Variants in SAMD3 observed in about 807,000 individuals in gnomAD.
The protein encoded by SAMD3 is sterile alpha motif domain containing 3.
A neutral mutation model predicts 58.5 loss-of-function variants in SAMD3; 63 were observed. The ratio of observed to expected loss-of-function variants is 1.08; its 90% CI spans 0.88 to 1.33. The LOEUF is 1.33. Ranked by LOEUF, SAMD3 falls within the 40% of genes most tolerant of loss-of-function variation. The pLI is 0.00. For missense variants in SAMD3, 604 were observed against 608.4 expected (o/e 0.99, Z 0.08); for synonymous variants, 220 against 210.3 (o/e 1.05, Z -0.40).
In SAMD3 at chr6:130,241,206, CTTT is replaced by C. The variant is rs57573903; in HGVS notation, c.-187-18396_-187-18394del. Among the ~76,000 whole-genome samples, 335 of 109,220 alleles carry C rather than the reference CTTT, an allele frequency of 3.1e-3. 1 individual carries two copies. Among genetic ancestry groups the C allele is most frequent in the African/African-American group, 0.012 (276 of 23,094 alleles). 71.7% of individuals were successfully genotyped at this position (109,220 alleles called of 152,430 possible). A position where few individuals can be genotyped will look rare whatever the true frequency, so the allele number is the denominator to read the frequency against. On this transcript the variant is annotated intron_variant, in intron 2 of 13. Coordinates refer to the SAMD3 transcript ENST00000368134. ...AGAACCTGTTTTGTACTTAAACCTCCTTTTTTTTTTTTTTTTTTTTTGAGATGG... is the reference window on the plus strand; with the variant it reads ...AGAACCTGTTTTGTACTTAAACCTCCTTTTTTTTTTTTTTTTTTGAGATGG...
At chr6:130,212,715 A>C (rs1346756716) in intron 4 of SAMD3, among the ~76,000 whole-genome samples, 1 of 152,224 alleles carries the variant, frequency 6.6e-6, no homozygotes. Flanking sequence ...AACATTATAA[A>C]CTGATTTGCA....
In SAMD3 at chr6:130,150,398, G is replaced by C. The variant is rs189249233; in HGVS notation, c.1024-4217C>G. ...CAGAATTCATGGGTCCAGGAACCAA[G>C]AGTTGGAAATGGGAATGGCGCCGCT... On this transcript the variant is annotated intron_variant, in intron 9 of 11. Coordinates refer to ENST00000439090, the MANE Select transcript of SAMD3 (RefSeq NM_001017373.4). Among the ~76,000 whole-genome samples, 12 of 152,286 alleles carry C rather than the reference G, an allele frequency of 7.9e-5. No individual in the cohort carries two copies. The East Asian group carries it at 2.3e-3, about 29-fold the overall frequency.
chr6:130,339,405 G>A (rs923771429), intron 1 of SAMD3, among the ~76,000 whole-genome samples: 1 of 152,170 alleles, frequency 6.6e-6, no homozygotes, highest in African/African-American at 2.4e-5. Context: ...GAGGGACCTG[G>A]AAAGAGATGA....
chr6:130,249,629 A>G (rs115058626), intron 2 of SAMD3, among the ~76,000 whole-genome samples: 4,742 of 152,296 alleles, frequency 0.031, 85 homozygotes, highest in Non-Finnish European at 0.04. Context: ...TAACTGGGGC[A>G]TAGCAATATG....
intron 7 of SAMD3, among the ~76,000 whole-genome samples, chr6:130,178,341 C>A (rs981459824): frequency 6.6e-6 from 1 of 150,880 alleles, no homozygotes; most frequent in African/African-American, 2.5e-5. Context: ...CGCTGCAATG[C>A]CGTGTGATTG....
chr6:130,299,918 G>A (rs1186529059), intron 2 of SAMD3, among the ~76,000 whole-genome samples: 1 of 152,112 alleles, frequency 6.6e-6, no homozygotes, highest in Non-Finnish European at 1.5e-5. Context: ...GGAAGAAATT[G>A]AAATGCTGAA....
chr6:130,262,244 C>T (rs1774167357), intron 2 of SAMD3, among the ~76,000 whole-genome samples: 1 of 151,830 alleles, frequency 6.6e-6, no homozygotes, highest in Admixed American at 6.6e-5. Context: ...GACCCAGTAA[C>T]CTGTGGATGG....
intron 8 of SAMD3, among the ~76,000 whole-genome samples, chr6:130,175,343 C>T (rs765510953): frequency 2.0e-4 from 31 of 152,208 alleles, no homozygotes; most frequent in African/African-American, 5.5e-4. Flanking sequence ...CTGGAGCTCC[C>T]GACAGCCACT....
At chr6:130,231,004 T>C (rs560746557) in intron 2 of SAMD3, among the ~76,000 whole-genome samples, 1 of 152,182 alleles carries the variant, frequency 6.6e-6, no homozygotes. Flanking sequence ...GTGCTATTAA[T>C]GACTTAAATA....
chr6:130,160,970 TG>T (rs1790230634), intron 8 of SAMD3: 2 of 152,064 alleles, frequency 1.3e-5, no homozygotes, highest in South Asian at 2.1e-4. Flanking sequence ...AATATGTGCT[TG>T]AAAAAAAAAC....
At chr6:130,196,102 G>T (rs1008101860) in intron 5 of SAMD3, among the ~76,000 whole-genome samples, 4 of 152,068 alleles carry the variant, frequency 2.6e-5, no homozygotes, top group African/African-American at 9.7e-5. Flanking sequence ...ACAGGACTGG[G>T]ATCGCGTCCT....
chr6:130,213,984 A>C (rs553382515), intron 4 of SAMD3, among the ~76,000 whole-genome samples: 126 of 152,298 alleles, frequency 8.3e-4, no homozygotes, highest in Non-Finnish European at 1.4e-3. Flanking sequence ...GCAAAGAAGC[A>C]ATCAAGATGC....
At chr6:130,195,153 G>A (rs892154432) in intron 5 of SAMD3, among the ~76,000 whole-genome samples, 4 of 152,010 alleles carry the variant, frequency 2.6e-5, no homozygotes, top group African/African-American at 9.7e-5. Flanking sequence ...CTGGACTACA[G>A]CCGCATCTCA....
chr6:130,267,162 C>T (rs747285920), intron 2 of SAMD3, among the ~76,000 whole-genome samples: 16 of 152,122 alleles, frequency 1.1e-4, no homozygotes, highest in Non-Finnish European at 1.5e-4. Context: ...TAGTTAAAGA[C>T]ATAGTTAAAG....
chr6:130,311,237 G>A (rs1368497414), intron 2 of SAMD3, among the ~76,000 whole-genome samples: 2 of 152,194 alleles, frequency 1.3e-5, no homozygotes, highest in Non-Finnish European at 2.9e-5. Flanking sequence ...CCAAAATAGT[G>A]TATGTCAGAA....
At chr6:130,361,814 G>A (rs1777996802) in intron 1 of SAMD3, among the ~76,000 whole-genome samples, 1 of 152,172 alleles carries the variant, frequency 6.6e-6, no homozygotes, top group African/African-American at 2.4e-5. Flanking sequence ...ACCCCTTCTT[G>A]GGTTGGGGAA....
intron 2 of SAMD3, among the ~76,000 whole-genome samples, chr6:130,260,131 T>C (rs1157235426): frequency 6.6e-6 from 1 of 152,166 alleles, no homozygotes; most frequent in Admixed American, 6.5e-5. Flanking sequence ...AGTGAGAGAA[T>C]AGAGACAGAC....
chr6:130,347,684 C>G (rs1270555773), intron 1 of SAMD3, among the ~76,000 whole-genome samples: 1 of 152,062 alleles, frequency 6.6e-6, no homozygotes, highest in African/African-American at 2.4e-5. Flanking sequence ...CTTCCCCAAT[C>G]TAGTAAGGCA....
upstream of SAMD3, among the ~76,000 whole-genome samples, chr6:130,225,226 CA>C (rs1796356412): frequency 1.3e-5 from 2 of 152,212 alleles, no homozygotes; most frequent in Non-Finnish European, 2.9e-5. Flanking sequence ...ACGACTGAGA[CA>C]ACAAGTATTG....
Sources: allele counts gnomAD v4.1 joint callset (sites outside exome capture counted in the v4.1 genomes callset), GRCh38; gene constraint gnomAD v4.1.1; transcripts MANE v1.5; gene names NCBI Gene and HGNC (gene_info 2026-07-23, HGNC 2026-07-21).